The following TPCN1 variants were observed in gnomAD, a reference collection of about 807,000 sequenced individuals.
TPCN1 encodes two pore channel protein 1.
In TPCN1, 52 loss-of-function variants were observed where a neutral mutation model predicts 108.8. That is an observed-to-expected ratio of 0.48 (90% CI 0.38 to 0.60). The LOEUF is 0.60. TPCN1 is among the 20% of genes least tolerant of loss of function. TPCN1 has a pLI of 0.00. For missense variants in TPCN1, 806 were observed against 1,072.8 expected (o/e 0.75, Z 3.47); for synonymous variants, 446 against 433.7 (o/e 1.03, Z -0.35).
intron 27 of TPCN1, among the ~76,000 whole-genome samples, chr12:113,293,790 C>T (rs1228822192): frequency 1.3e-5 from 2 of 152,228 alleles, no homozygotes; most frequent in Non-Finnish European, 2.9e-5. Flanking sequence ...CTCCTCCCAG[C>T]CCCAGCGAGT....
At chr12:113,234,974 C>T (rs975023208) in intron 2 of TPCN1, among the ~76,000 whole-genome samples, 4 of 152,092 alleles carry the variant, frequency 2.6e-5, no homozygotes, top group South Asian at 2.1e-4. Context: ...TAGAACATAC[C>T]GATTCACCCT....
intron 2 of TPCN1, among the ~76,000 whole-genome samples, chr12:113,240,759 T>G (rs1954082031): frequency 6.6e-6 from 1 of 151,640 alleles, no homozygotes; most frequent in Admixed American, 6.6e-5. Context: ...TTTTTTTTTT[T>G]TTTTTTGGAG....
intron 13 of TPCN1, among the ~76,000 whole-genome samples, chr12:113,278,498 G>A (rs1955751127): frequency 6.6e-6 from 1 of 152,242 alleles, no homozygotes; most frequent in Admixed American, 6.5e-5. Flanking sequence ...GGGTTACTGA[G>A]CCTTTCTGAG....
In TPCN1 at chr12:113,291,667, T is replaced by G. The variant is rs779514406; in HGVS notation, c.2018T>G (p.Ile673Ser). 3.1e-6 allele frequency: 5 copies of G among 1,613,894 alleles called. No individual in the cohort carries two copies. In the Admixed American group the frequency reaches 8.3e-5, roughly 27 times the overall value. Residue 673 changes from isoleucine (I) to serine (S), a missense_variant, in exon 24 of 28, where the codon ATT becomes AGT. Ile to Ser is a moderately radical substitution (Grantham distance 142, BLOSUM62 -2). Coordinates refer to ENST00000335509, the MANE Select transcript of TPCN1 (RefSeq NM_017901.6). ...CGCCTCTACTTCATGACCTTTTACA[T>G]TGTGACCATGGTAGGTCCCGGACCA... ...WSRLYFMTFY[I>S]VTMVVMTIIV...
intron 18 of TPCN1, 90 bp downstream of exon 18, chr12:113,286,051 C>T: frequency 8.3e-7 from 1 of 1,202,100 alleles, no homozygotes; most frequent in Non-Finnish European, 1.2e-6. Context: ...CGGGCCATTT[C>T]TGGAATCGCA....
At chr12:113,248,657 C>T (rs1566153887) in intron 2 of TPCN1, among the ~76,000 whole-genome samples, 1 of 152,088 alleles carries the variant, frequency 6.6e-6, no homozygotes, top group South Asian at 2.1e-4. Flanking sequence ...ATGGCGGCAG[C>T]GAGGGGCAGG....
At position 113,281,643 on chromosome 12, in the gene TPCN1, A is replaced by G. The variant is rs544163200; in HGVS notation, c.1342+1448A>G. 2.6e-5 allele frequency among the ~76,000 whole-genome samples: 4 copies of G among 152,226 alleles called. No individual in the cohort carries two copies. In the South Asian group the frequency reaches 8.3e-4, roughly 32 times the overall value. On this transcript the variant is annotated intron_variant, in intron 15 of 27. Coordinates refer to ENST00000335509, the MANE Select transcript of TPCN1 (RefSeq NM_017901.6). Reference sequence around the variant, plus strand: ...AGCCTTGACCTCCCAGGCTCAATCCATCCTCCCACCTCAGTCTTCTGAGTA... The same window carrying G: ...AGCCTTGACCTCCCAGGCTCAATCCGTCCTCCCACCTCAGTCTTCTGAGTA...
At chr12:113,234,795 T>C (rs1051887634) in intron 2 of TPCN1, among the ~76,000 whole-genome samples, 5 of 152,194 alleles carry the variant, frequency 3.3e-5, no homozygotes, top group African/African-American at 4.8e-5. Context: ...ATCATTGTCG[T>C]GTAGGATCAC....
chr12:113,283,258 T>C (rs894051559), intron 15 of TPCN1, among the ~76,000 whole-genome samples: 33 of 152,256 alleles, frequency 2.2e-4, no homozygotes, highest in African/African-American at 6.0e-4. Context: ...TCAATATATC[T>C]GTCTTAAACA....
intron 15 of TPCN1, among the ~76,000 whole-genome samples, chr12:113,283,805 C>A (rs1389432366): frequency 6.6e-6 from 1 of 152,078 alleles, no homozygotes; most frequent in Non-Finnish European, 1.5e-5. Flanking sequence ...TCCTGAGTAG[C>A]TGGGCCCACA....
At position 113,271,145 on chromosome 12, in the gene TPCN1, C is replaced by T. The variant is rs957445751; in HGVS notation, c.748+1300C>T. On this transcript the variant is annotated intron_variant, in intron 7 of 27. Coordinates refer to ENST00000335509, the MANE Select transcript of TPCN1 (RefSeq NM_017901.6). ...ATTAGCTGGGTATGGTGGCATGTGGCATGCACCTGTGGTCCCTGCTACTCA... is the reference window on the plus strand; with the variant it reads ...ATTAGCTGGGTATGGTGGCATGTGGTATGCACCTGTGGTCCCTGCTACTCA... 1.2e-4 allele frequency among the ~76,000 whole-genome samples: 18 copies of T among 151,960 alleles called. No homozygotes were observed. In the East Asian group the frequency reaches 1.5e-3, roughly 13 times the overall value.
intron 14 of TPCN1, 119 bp downstream of exon 14, chr12:113,278,954 G>GA: frequency 1.1e-6 from 1 of 875,792 alleles, no homozygotes. Context: ...GTGTTTGTCT[G>GA]AATGCCTGTG....
intron 24 of TPCN1, 75 bp downstream of exon 24, chr12:113,291,752 A>G: frequency 6.3e-7 from 1 of 1,583,034 alleles, no homozygotes; most frequent in Non-Finnish European, 8.7e-7. Flanking sequence ...TTCAGCCTGC[A>G]GCGTCAGGGA....
At chr12:113,261,671 C>T (rs914166807) in intron 3 of TPCN1, among the ~76,000 whole-genome samples, 2 of 152,118 alleles carry the variant, frequency 1.3e-5, no homozygotes, top group Non-Finnish European at 1.5e-5. Context: ...TCAGGTGATC[C>T]GCCGACCTCA....
At chr12:113,223,540 A>C (rs1163024748) in intron 1 of TPCN1, among the ~76,000 whole-genome samples, 4 of 150,892 alleles carry the variant, frequency 2.7e-5, no homozygotes, top group Non-Finnish European at 4.4e-5. Context: ...TTATTTTTAA[A>C]TTTTTAGTTT....
In TPCN1 at chr12:113,288,322, A is replaced by C; in HGVS notation, c.1706+88A>C. The C allele has an allele frequency of 6.3e-7, 1 of 1,584,880 alleles. No individual in the cohort carries two copies. Among genetic ancestry groups the C allele is most frequent in the Non-Finnish European group, 8.6e-7 (1 of 1,168,394 alleles). On this transcript the variant is annotated intron_variant, in intron 20 of 27. Coordinates refer to ENST00000335509, the MANE Select transcript of TPCN1 (RefSeq NM_017901.6). The surrounding 1 kb of genome is among the most constrained non-coding windows in gnomAD (Gnocchi z 4.8). The stretch of plus-strand genomic sequence containing the variant: ...CGGGAGCCGAGTGGCAGTCGGGGGA[A>C]AGGAGTTCCACAAAGGACTGCAATC...
chr12:113,276,398 C>T (rs1955674526), intron 10 of TPCN1, among the ~76,000 whole-genome samples: 1 of 152,204 alleles, frequency 6.6e-6, no homozygotes, highest in Non-Finnish European at 1.5e-5. Flanking sequence ...CAGAGCCTCT[C>T]ACTCCCCTTT....
At chr12:113,263,571 T>A (rs1415101600) in intron 3 of TPCN1, among the ~76,000 whole-genome samples, 3 of 152,260 alleles carry the variant, frequency 2.0e-5, no homozygotes, top group African/African-American at 7.2e-5. Flanking sequence ...CAAGATGGCC[T>A]GCCTTTTCAC....
chr12:113,272,532 C>G lies in TPCN1; in HGVS notation c.749-126C>G. 2.3e-6 allele frequency: 2 copies of G among 879,808 alleles called. No homozygotes were observed. Among genetic ancestry groups the G allele is most frequent in the Non-Finnish European group, 3.9e-6 (2 of 517,276 alleles). 54.5% of individuals were successfully genotyped at this position (879,808 alleles called of 1,614,324 possible). A position where few individuals can be genotyped will look rare whatever the true frequency, so the allele number is the denominator to read the frequency against. Reference sequence around the variant, plus strand: ...TGTGTTCTCAGGGTGCTGTGGTCCCCAGCAGTCCCTGCTGCTCTTCCTGAC... The same window carrying G: ...TGTGTTCTCAGGGTGCTGTGGTCCCGAGCAGTCCCTGCTGCTCTTCCTGAC... On this transcript the variant is annotated intron_variant, in intron 7 of 27. Coordinates refer to ENST00000335509, the MANE Select transcript of TPCN1 (RefSeq NM_017901.6). The surrounding 1 kb of genome is among the most constrained non-coding windows in gnomAD (Gnocchi z 4.1).
Sources: gnomAD v4.1 joint callset for allele counts (sites outside exome capture counted in the v4.1 genomes callset) on GRCh38, gnomAD v4.1.1 for gene constraint, Gnocchi (gnomAD v3.1) non-coding constraint, MANE v1.5 for transcripts, NCBI Gene and HGNC (gene_info 2026-07-23, HGNC 2026-07-21) for gene names.